TBX19: variants seen among roughly 807,000 people sequenced by gnomAD.
TBX19 encodes T-box transcription factor TBX19.
In TBX19, 33 loss-of-function variants were observed where a neutral mutation model predicts 40.9. The ratio of observed to expected loss-of-function variants is 0.81; its 90% CI spans 0.61 to 1.08. TBX19 has a LOEUF of 1.08. Ranked by LOEUF, TBX19 falls within the 50% of genes least tolerant of loss-of-function variation. The pLI is 0.00. For missense variants in TBX19, 494 were observed against 574.0 expected (o/e 0.86, Z 1.42); for synonymous variants, 220 against 225.0 (o/e 0.98, Z 0.20).
At chr1:168,297,170 A>C (rs1649133365) in intron 3 of TBX19, among the ~76,000 whole-genome samples, 1 of 152,184 alleles carries the variant, frequency 6.6e-6, no homozygotes, top group Non-Finnish European at 1.5e-5. Flanking sequence ...AGATACAGAG[A>C]GTGACAGTGA....
chr1:168,304,766 T>C (rs1470369391), intron 5 of TBX19, among the ~76,000 whole-genome samples: 1 of 152,248 alleles, frequency 6.6e-6, no homozygotes, highest in African/African-American at 2.4e-5. Context: ...TTCTCACTGA[T>C]ACAATTTTTG....
intron 7 of TBX19, among the ~76,000 whole-genome samples, chr1:168,309,332 C>T (rs1026194454): frequency 3.3e-5 from 5 of 152,112 alleles, no homozygotes; most frequent in African/African-American, 1.2e-4. Flanking sequence ...GAGATTGCGC[C>T]ATTGCACTCC....
intron 5 of TBX19, among the ~76,000 whole-genome samples, chr1:168,303,507 T>A (rs531567278): frequency 6.6e-6 from 1 of 152,276 alleles, no homozygotes; most frequent in African/African-American, 2.4e-5. Flanking sequence ...TGAGAAGGGG[T>A]CCTGATCCAG....
At chr1:168,297,583 A>C in intron 3 of TBX19, 141 bp from the exon 4 acceptor site, 1 of 697,478 alleles carries the variant, frequency 1.4e-6, no homozygotes, top group Non-Finnish European at 2.6e-6. Context: ...GAGTGCTGGG[A>C]TTACAGGCAT....
chr1:168,298,844 T>C (rs868445482), intron 4 of TBX19, among the ~76,000 whole-genome samples: 4,882 of 59,774 alleles, frequency 0.082, 975 homozygotes, highest in African/African-American at 0.13. Flanking sequence ...TCTTTCTTTC[T>C]TTCTTTCTTT....
At chr1:168,310,329 C>T (rs1413132177) in intron 7 of TBX19, among the ~76,000 whole-genome samples, 1 of 151,176 alleles carries the variant, frequency 6.6e-6, no homozygotes, top group Non-Finnish European at 1.5e-5. Context: ...TTTGGGAAGA[C>T]ATCAGATGAC....
chr1:168,288,176 G>T (rs1344474058), intron 1 of TBX19, among the ~76,000 whole-genome samples: 3 of 152,032 alleles, frequency 2.0e-5, no homozygotes. Context: ...AGAATATTTT[G>T]CATATAACCT....
chr1:168,294,691 A>AG (rs921812421), intron 3 of TBX19, among the ~76,000 whole-genome samples: 2 of 152,046 alleles, frequency 1.3e-5, no homozygotes, highest in Non-Finnish European at 2.9e-5. Context: ...TAGTAGAGAC[A>AG]GGGTTTCACT....
rs1223393870 is a variant in TBX19 at position 168,281,106 on chromosome 1, C to G, written c.16C>G (p.Leu6Val). 6.2e-7 allele frequency: 1 copy of G among 1,614,122 alleles called. No homozygotes were observed. The highest frequency in any genetic ancestry group is 8.5e-7 in the Non-Finnish European group (1 of 1,180,004). Reference sequence around the variant, plus strand: ...AGAAGTGCCTATGGCCATGAGTGAGCTGGGCACTCGGAAGCCCAGCGATGG... The same window carrying G: ...AGAAGTGCCTATGGCCATGAGTGAGGTGGGCACTCGGAAGCCCAGCGATGG... MAMSELGTRKPSDGTV... is the reference protein window; with the variant it reads MAMSEVGTRKPSDGTV... Residue 6 changes from leucine (L) to valine (V), a missense_variant, in exon 1 of 8, where the codon CTG (leucine) becomes GTG (valine). Coordinates refer to ENST00000367821, the MANE Select transcript of TBX19 (RefSeq NM_005149.3).
At chr1:168,308,271 A>G (rs112179808) in intron 6 of TBX19, 2,410 of 192,804 alleles carry the variant, frequency 0.012, 56 homozygotes, top group African/African-American at 0.054. Context: ...TGTGGGCACC[A>G]TGCCGGGCCA....
Position 168,289,173 on chromosome 1 carries a change from A to G in TBX19, c.204-1987A>G, listed in dbSNP as rs533950741. On this transcript the variant is annotated intron_variant, in intron 1 of 7. Transcript: ENST00000367821. ...GACTCCTGGCTGTCAGAATAACCCT[A>G]TATGATCCCTAGAATCATTTCTGAT... 2.0e-5 allele frequency among the ~76,000 whole-genome samples: 3 copies of G among 152,346 alleles called. No homozygotes were observed. The East Asian group carries it at 5.8e-4, about 29-fold the overall frequency.
At chr1:168,309,042 A>T (rs1208173738) in intron 7 of TBX19, among the ~76,000 whole-genome samples, 165 bp downstream of exon 7, 1 of 152,166 alleles carries the variant, frequency 6.6e-6, no homozygotes, top group Non-Finnish European at 1.5e-5. Context: ...TTCTTTCATA[A>T]GGGGAGAAAC....
chr1:168,285,520 A>G (rs1648783488), intron 1 of TBX19, among the ~76,000 whole-genome samples: 1 of 152,234 alleles, frequency 6.6e-6, no homozygotes, highest in Non-Finnish European at 1.5e-5. Context: ...TGTCAGTGAA[A>G]TAAAACTGGA....
intron 2 of TBX19, among the ~76,000 whole-genome samples, chr1:168,292,003 G>A (rs1363378121): frequency 1.3e-5 from 2 of 152,086 alleles, no homozygotes; most frequent in African/African-American, 4.8e-5. Flanking sequence ...CTTGTTTTCT[G>A]TGTTAGGATT....
intron 6 of TBX19, chr1:168,307,938 C>A (rs1233329583): frequency 1.3e-5 from 2 of 152,064 alleles, no homozygotes; most frequent in African/African-American, 4.8e-5. Context: ...CTATAGTCTT[C>A]AGATTGTAAG....
chr1:168,297,435 G>A (rs1339152436), intron 3 of TBX19, among the ~76,000 whole-genome samples: 1 of 152,236 alleles, frequency 6.6e-6, no homozygotes, highest in African/African-American at 2.4e-5. Context: ...CATTTCCAGT[G>A]TTTTGCCCTT....
At chr1:168,311,599 G>A (rs566224619) in intron 7 of TBX19, among the ~76,000 whole-genome samples, 3 of 152,260 alleles carry the variant, frequency 2.0e-5, no homozygotes, top group African/African-American at 7.2e-5. Context: ...CTGTTGGTGT[G>A]TTTAACTCAT....
chr1:168,305,317 T>C (rs1476894846), intron 6 of TBX19, 121 bp downstream of exon 6: 4 of 851,114 alleles, frequency 4.7e-6, no homozygotes, highest in Admixed American at 4.1e-5. Flanking sequence ...CTAATATACA[T>C]CTATGATATG....
In TBX19 at chr1:168,281,150, C is replaced by T; in HGVS notation, c.60C>T (p.Leu20=). ...KPSDGTVSHL[L]NVVESELQAG... Reference sequence around the variant, plus strand: ...GCGATGGCACTGTTTCTCATCTGCTCAATGTGGTGGAGAGTGAGCTTCAGG... The same window carrying T: ...GCGATGGCACTGTTTCTCATCTGCTTAATGTGGTGGAGAGTGAGCTTCAGG... The change falls in exon 1 of 8, where the codon CTC becomes CTT. Residue 20 remains leucine (L), a synonymous_variant. Transcript: ENST00000367821. The T allele has an allele frequency of 1.2e-6, 2 of 1,614,080 alleles. No individual in the cohort carries two copies. The highest frequency in any genetic ancestry group is 2.2e-5 in the East Asian group (1 of 44,876).
Sources: gnomAD v4.1 joint callset for allele counts (sites outside exome capture counted in the v4.1 genomes callset) on GRCh38, gnomAD v4.1.1 for gene constraint, MANE v1.5 for transcripts, NCBI Gene and HGNC (gene_info 2026-07-23, HGNC 2026-07-21) for gene names.